SORCS2: variants seen among roughly 807,000 people sequenced by gnomAD.
SORCS2 encodes VPS10 domain-containing receptor SorCS2.
A neutral mutation model predicts 141.6 loss-of-function variants in SORCS2; 100 were observed. The ratio of observed to expected loss-of-function variants is 0.71; its 90% CI spans 0.60 to 0.83. The LOEUF is 0.83. Ranked by LOEUF, SORCS2 falls within the 40% of genes least tolerant of loss-of-function variation. SORCS2 has a pLI of 0.00. For synonymous variants in SORCS2, 789 were observed against 676.9 expected (o/e 1.17, Z -2.57); for missense variants, 1,646 against 1,560.2 (o/e 1.05, Z -0.93).
chr4:7,335,662 C>T (rs1479242573), intron 1 of SORCS2, among the ~76,000 whole-genome samples: 2 of 152,250 alleles, frequency 1.3e-5, no homozygotes, highest in Non-Finnish European at 2.9e-5. Context: ...CACACAGCCC[C>T]TTCAGGCTTT....
intron 1 of SORCS2, among the ~76,000 whole-genome samples, chr4:7,343,444 G>A (rs1170419446): frequency 2.6e-5 from 4 of 152,214 alleles, no homozygotes. Context: ...CTGGAACAGG[G>A]CAGGCTTGGT....
chr4:7,512,824 C>T (rs1732746380), intron 2 of SORCS2, among the ~76,000 whole-genome samples: 1 of 152,188 alleles, frequency 6.6e-6, no homozygotes, highest in African/African-American at 2.4e-5. Context: ...GCCCCTTCAT[C>T]TCTGTAAGGC....
intron 25 of SORCS2, among the ~76,000 whole-genome samples, chr4:7,736,643 G>A (rs1317263253): frequency 2.6e-5 from 4 of 152,208 alleles, no homozygotes; most frequent in East Asian, 1.9e-4. Flanking sequence ...ACGCCTGGAT[G>A]GGGCTCAGCA....
intron 2 of SORCS2, chr4:7,435,002 C>T (rs1337224964): frequency 2.7e-5 from 33 of 1,226,750 alleles, no homozygotes; most frequent in Non-Finnish European, 3.7e-5. Flanking sequence ...ACTCCCACAG[C>T]CTGACTCACA....
chr4:7,730,192 A>C (rs1429183182), intron 23 of SORCS2, among the ~76,000 whole-genome samples: 1 of 152,182 alleles, frequency 6.6e-6, no homozygotes, highest in East Asian at 1.9e-4. Flanking sequence ...GCCATGTGAC[A>C]GGTGTGGGAA....
At chr4:7,295,783 G>A (rs1717008981) in intron 1 of SORCS2, among the ~76,000 whole-genome samples, 1 of 152,236 alleles carries the variant, frequency 6.6e-6, no homozygotes, top group Non-Finnish European at 1.5e-5. Flanking sequence ...CTGGGATGGA[G>A]CCTTGGTTTC....
At chr4:7,467,324 C>A (rs1464646823) in intron 2 of SORCS2, among the ~76,000 whole-genome samples, 3 of 152,182 alleles carry the variant, frequency 2.0e-5, no homozygotes, top group Non-Finnish European at 2.9e-5. Flanking sequence ...GTCCCTAGGG[C>A]TCCCACTCAG....
chr4:7,193,221 A>C lies in SORCS2; in HGVS notation c.480+95A>C. ...ACGGCCCCCACCCCAGATCCCCACT[A>C]TGGTCATCAGGGGCGGGTTCTTGGC... On this transcript the variant is annotated intron_variant, in intron 1 of 26. Coordinates refer to ENST00000507866, the MANE Select transcript of SORCS2 (RefSeq NM_020777.3). This position sits in a 1 kb window ranked among gnomAD's most constrained non-coding sequence, Gnocchi z 4.8. 1.5e-6 allele frequency: 2 copies of C among 1,297,194 alleles called. No individual in the cohort carries two copies. The highest frequency in any genetic ancestry group is 2.0e-6 in the Non-Finnish European group (2 of 1,019,744). 80.4% of individuals were successfully genotyped at this position (1,297,194 alleles called of 1,614,324 possible).
At chr4:7,706,481 A>G (rs1417875864) in intron 14 of SORCS2, among the ~76,000 whole-genome samples, 35 of 55,976 alleles carry the variant, frequency 6.3e-4, no homozygotes, top group Admixed American at 2.3e-3. Context: ...CTCTGCCTGG[A>G]CAGAGATGAG....
intron 4 of SORCS2, among the ~76,000 whole-genome samples, chr4:7,650,201 A>G (rs1577896250): frequency 6.6e-6 from 1 of 152,202 alleles, no homozygotes; most frequent in Admixed American, 6.5e-5. Flanking sequence ...GAATCACTCA[A>G]TTGCTGCGAG....
intron 1 of SORCS2, among the ~76,000 whole-genome samples, chr4:7,262,375 T>C (rs13135075): frequency 2.1e-3 from 291 of 137,086 alleles, no homozygotes; most frequent in African/African-American, 7.1e-3. Flanking sequence ...CCTATCCATC[T>C]ATCCATCCAT....
At chr4:7,596,008 G>C (rs760266765) in intron 3 of SORCS2, among the ~76,000 whole-genome samples, 1 of 152,092 alleles carries the variant, frequency 6.6e-6, no homozygotes, top group Non-Finnish European at 1.5e-5. Flanking sequence ...GGCAACCCGC[G>C]GTTTCTCATT....
intron 1 of SORCS2, among the ~76,000 whole-genome samples, chr4:7,297,229 C>G (rs1208254224): frequency 1.3e-5 from 2 of 152,172 alleles, no homozygotes; most frequent in Non-Finnish European, 2.9e-5. Flanking sequence ...GTCACCCCGG[C>G]ACTCCCAGCT....
chr4:7,286,897 A>G lies in SORCS2; in HGVS notation c.480+93771A>G, dbSNP rs1577356833. Among the ~76,000 whole-genome samples, 1 of 152,328 alleles carries G rather than the reference A, an allele frequency of 6.6e-6. No individual in the cohort carries two copies. ...TCCTGACGGAGCTTCAGTAGCTGAA[A>G]GTGGGTCCGAGTGAGGAGACACAAG... On this transcript the variant is annotated intron_variant, in intron 1 of 26. Coordinates refer to ENST00000507866, the MANE Select transcript of SORCS2 (RefSeq NM_020777.3). This position sits in a 1 kb window ranked among gnomAD's most constrained non-coding sequence, Gnocchi z 4.1.
intron 1 of SORCS2, among the ~76,000 whole-genome samples, chr4:7,256,053 G>C (rs1188892298): frequency 6.6e-6 from 1 of 152,162 alleles, no homozygotes; most frequent in African/African-American, 2.4e-5. Flanking sequence ...TGGCCTTGCT[G>C]GGCAGGTCGT....
At chr4:7,558,285 G>A (rs995087952) in intron 3 of SORCS2, among the ~76,000 whole-genome samples, 2 of 152,162 alleles carry the variant, frequency 1.3e-5, no homozygotes, top group African/African-American at 4.8e-5. Flanking sequence ...CTGTGTTGTG[G>A]GACAGAGCTG....
chr4:7,724,006 C>A (rs1236048918), intron 19 of SORCS2, 123 bp downstream of exon 19: 12 of 1,201,722 alleles, frequency 1.0e-5, no homozygotes, highest in Non-Finnish European at 1.1e-6. Context: ...GACGGTGAAC[C>A]CGAGGGCAGG....
At chr4:7,570,811 G>A (rs1446844686) in intron 3 of SORCS2, among the ~76,000 whole-genome samples, 1 of 152,180 alleles carries the variant, frequency 6.6e-6, no homozygotes, top group African/African-American at 2.4e-5. Context: ...CAGGGTCCAG[G>A]CCTCAACTAT....
At chr4:7,348,630 CA>C (rs1720770363) in intron 1 of SORCS2, among the ~76,000 whole-genome samples, 2 of 152,376 alleles carry the variant, frequency 1.3e-5, no homozygotes, top group South Asian at 4.1e-4. Context: ...CGGCTCACTG[CA>C]ACCTCTGCCT....
Sources: gnomAD v4.1 joint callset for allele counts (sites outside exome capture counted in the v4.1 genomes callset) on GRCh38, gnomAD v4.1.1 for gene constraint, Gnocchi (gnomAD v3.1) non-coding constraint, MANE v1.5 for transcripts, NCBI Gene and HGNC (gene_info 2026-07-23, HGNC 2026-07-21) for gene names.